Variants in ZNF385D observed in about 807,000 individuals in gnomAD.
ZNF385D encodes the protein zinc finger protein 385D.
Under a neutral mutation model 35.8 loss-of-function variants are expected in ZNF385D, and 15 were observed. The ratio of observed to expected loss-of-function variants is 0.42; its 90% CI spans 0.28 to 0.64. ZNF385D has a LOEUF of 0.64. Among genes scored for constraint, ZNF385D ranks in the 30% least tolerant of loss-of-function variants. ZNF385D has a pLI of 0.23. For synonymous variants in ZNF385D, 212 were observed against 186.8 expected (o/e 1.13, Z -1.10); for missense variants, 474 against 494.6 (o/e 0.96, Z 0.39).
At chr3:22,168,046 G>C (rs552528964) in intron 3 of ZNF385D, among the ~76,000 whole-genome samples, 1 of 152,266 alleles carries the variant, frequency 6.6e-6, no homozygotes, top group South Asian at 2.1e-4. Context: ...AATATAGGAA[G>C]AGATTGACAT....
chr3:21,452,658 T>A (rs1702529679), intron 4 of ZNF385D, among the ~76,000 whole-genome samples: 1 of 151,932 alleles, frequency 6.6e-6, no homozygotes, highest in Admixed American at 6.6e-5. Flanking sequence ...ACCAATAAAG[T>A]GTAAGACTTG....
At chr3:22,181,285 T>G (rs781303934) in intron 2 of ZNF385D, among the ~76,000 whole-genome samples, 1 of 152,142 alleles carries the variant, frequency 6.6e-6, no homozygotes, top group Non-Finnish European at 1.5e-5. Context: ...TTACGCATCC[T>G]AACAGTGGCA....
intron 1 of ZNF385D, among the ~76,000 whole-genome samples, chr3:21,744,268 T>G (rs1360015915): frequency 6.6e-6 from 1 of 152,202 alleles, no homozygotes; most frequent in Non-Finnish European, 1.5e-5. Flanking sequence ...AAATACAAAT[T>G]GCTATACAAG....
chr3:21,659,692 T>C (rs1040103508), intron 2 of ZNF385D, among the ~76,000 whole-genome samples: 6 of 152,090 alleles, frequency 3.9e-5, no homozygotes, highest in South Asian at 2.1e-4. Context: ...AGTTCCATAA[T>C]TGTAAGAATT....
At chr3:22,242,369 T>A (rs535653991) in intron 2 of ZNF385D, among the ~76,000 whole-genome samples, 1 of 151,188 alleles carries the variant, frequency 6.6e-6, no homozygotes, top group South Asian at 2.2e-4. Context: ...AAAACACAGC[T>A]AGAGAACCTG....
chr3:22,011,951 C>G (rs555207616), intron 3 of ZNF385D, among the ~76,000 whole-genome samples: 1 of 152,180 alleles, frequency 6.6e-6, no homozygotes, highest in Admixed American at 6.5e-5. Context: ...TTTTCTTCTT[C>G]CCTCCCTTCT....
At chr3:22,344,538 T>A (rs1415743572) in intron 2 of ZNF385D, among the ~76,000 whole-genome samples, 1 of 152,002 alleles carries the variant, frequency 6.6e-6, no homozygotes, top group Non-Finnish European at 1.5e-5. Context: ...TACAGTTGCA[T>A]ACCACCATGC....
chr3:21,854,898 A>C (rs1696623300), intron 3 of ZNF385D, among the ~76,000 whole-genome samples: 1 of 152,008 alleles, frequency 6.6e-6, no homozygotes, highest in Non-Finnish European at 1.5e-5. Context: ...TTTGAGTAGT[A>C]AATTGAAAAT....
At chr3:22,000,805 T>C (rs1695793979) in intron 3 of ZNF385D, among the ~76,000 whole-genome samples, 1 of 150,204 alleles carries the variant, frequency 6.7e-6, no homozygotes, top group African/African-American at 2.4e-5. Context: ...ACCTAGGAAA[T>C]CTAACCTTGA....
At chr3:22,262,268 C>T (rs9846067) in intron 2 of ZNF385D, among the ~76,000 whole-genome samples, 3,066 of 151,732 alleles carry the variant, frequency 0.02, 93 homozygotes, top group African/African-American at 0.069. Context: ...TTACTAGAGG[C>T]CTTGGGGTCT....
Position 21,416,974 on chromosome 3 carries a change from TAGA to T in ZNF385D, c.*4237_*4239del, listed in dbSNP as rs1700572018. The T allele has an allele frequency of 6.6e-6, 1 of 152,094 alleles. No homozygotes were observed. Among genetic ancestry groups the T allele is most frequent in the South Asian group, 2.1e-4 (1 of 4,826 alleles). The allele number at this position is 152,094 out of a possible 1,614,324, so 9.4% of individuals were successfully genotyped here. On this transcript the variant is annotated 3_prime_UTR_variant, in exon 8 of 8. Transcript: ENST00000281523. ...TTTATTACATTCTTGACTGGGAAAATAGAAGTAGCATATCTTACATGATGTTGG... is the reference window on the plus strand; with the variant it reads ...TTTATTACATTCTTGACTGGGAAAATAGTAGCATATCTTACATGATGTTGG...
chr3:21,870,729 GTATA>G (rs1409957128), intron 3 of ZNF385D, among the ~76,000 whole-genome samples: 2 of 152,110 alleles, frequency 1.3e-5, no homozygotes, highest in African/African-American at 4.8e-5. Flanking sequence ...GTGTGTGCGT[GTATA>G]TGTATGTACA....
chr3:21,668,122 T>C (rs1222144112), intron 1 of ZNF385D, among the ~76,000 whole-genome samples: 1 of 152,138 alleles, frequency 6.6e-6, no homozygotes, highest in Non-Finnish European at 1.5e-5. Context: ...AGAACCCCCT[T>C]CGGCACCAAG....
chr3:22,075,852 C>T (rs574306614), intron 3 of ZNF385D, among the ~76,000 whole-genome samples: 3 of 152,062 alleles, frequency 2.0e-5, no homozygotes, highest in Non-Finnish European at 4.4e-5. Context: ...ATGAGTTCAA[C>T]TATAACTCTT....
At chr3:21,823,497 T>C (rs1443002696) in intron 3 of ZNF385D, among the ~76,000 whole-genome samples, 1 of 151,350 alleles carries the variant, frequency 6.6e-6, no homozygotes, top group Admixed American at 6.6e-5. Flanking sequence ...GTATATAGTA[T>C]ATAAACACAT....
chr3:22,273,879 G>A (rs1423155070), intron 2 of ZNF385D, among the ~76,000 whole-genome samples: 1 of 151,950 alleles, frequency 6.6e-6, no homozygotes. Context: ...GCAAAAAGGT[G>A]TGCTATATAT....
At chr3:21,881,987 T>G (rs1698300063) in intron 3 of ZNF385D, among the ~76,000 whole-genome samples, 1 of 152,014 alleles carries the variant, frequency 6.6e-6, no homozygotes, top group South Asian at 2.1e-4. Context: ...CTTGAATGGA[T>G]CTGGAATTGT....
intron 3 of ZNF385D, among the ~76,000 whole-genome samples, chr3:21,835,921 T>C (rs538459742): frequency 6.6e-6 from 1 of 152,160 alleles, no homozygotes; most frequent in Middle Eastern, 3.5e-3. Flanking sequence ...AATATGATTT[T>C]TAAAAATCAT....
At chr3:21,500,035 C>T (rs1463303703) in intron 4 of ZNF385D, among the ~76,000 whole-genome samples, 3 of 152,120 alleles carry the variant, frequency 2.0e-5, no homozygotes, top group African/African-American at 7.2e-5. Flanking sequence ...TGAAGTAGCT[C>T]ACTAATTTAG....
Sources: gnomAD v4.1 joint callset for allele counts (sites outside exome capture counted in the v4.1 genomes callset) on GRCh38, gnomAD v4.1.1 for gene constraint, MANE v1.5 for transcripts, NCBI Gene and HGNC (gene_info 2026-07-23, HGNC 2026-07-21) for gene names.